Variants in EDA observed in about 807,000 individuals in gnomAD.
The protein encoded by EDA is ectodysplasin A, also known as ectodysplasin-A.
EDA carries 2 observed loss-of-function variants against 23.6 expected under a neutral mutation model. The observed-to-expected ratio is 0.08, with a 90% CI of 0.03 to 0.27. The LOEUF (loss-of-function observed/expected upper bound fraction) is 0.27. Among genes scored for constraint, EDA ranks in the 10% least tolerant of loss-of-function variants. The probability of loss-of-function intolerance (pLI) is 1.00; values close to 1 mark genes in which losing one functional copy is unlikely to be tolerated. For synonymous variants in EDA, 131 were observed against 132.0 expected, an observed-to-expected ratio of 0.99 and a Z score of 0.05; for missense variants, 229 against 324.2, an observed-to-expected ratio of 0.71 and a Z score of 2.26.
intron 1 of EDA, among the ~76,000 whole-genome samples, chrX:69,735,242 A>T (rs1220205476): frequency 9.2e-6 from 1 of 108,728 alleles, no homozygotes; most frequent in Admixed American, 9.8e-5. Context: ...AATATTTTGT[A>T]TGTGTATATA....
chrX:69,741,412 T>C (rs2013457072), intron 1 of EDA, among the ~76,000 whole-genome samples: 1 of 110,900 alleles, frequency 9.0e-6, no homozygotes, highest in African/African-American at 3.3e-5. Flanking sequence ...TTCAGTGAAG[T>C]CTACTTTCCC....
intron 1 of EDA, among the ~76,000 whole-genome samples, chrX:69,755,944 T>G (rs2014099099): frequency 8.9e-6 from 1 of 111,962 alleles, no homozygotes; most frequent in African/African-American, 3.2e-5. Context: ...AGTGTCCCAA[T>G]TTTCCAGGTA....
chrX:69,786,751 A>C (rs1308151851), intron 1 of EDA, among the ~76,000 whole-genome samples: 2 of 110,696 alleles, frequency 1.8e-5, no homozygotes, highest in African/African-American at 6.5e-5. Flanking sequence ...GTGGTGCTGA[A>C]AAGAATGTAT....
At chrX:69,774,607 G>A (rs1263056109) in intron 1 of EDA, among the ~76,000 whole-genome samples, 2 of 111,450 alleles carry the variant, frequency 1.8e-5, no homozygotes, top group African/African-American at 3.3e-5. Flanking sequence ...TGTTTTGGGC[G>A]TTTTAGGCTG....
At chrX:70,009,686 A>G (rs1316270673) in intron 2 of EDA, among the ~76,000 whole-genome samples, 1 of 111,447 alleles carries the variant, frequency 9.0e-6, no homozygotes, top group Non-Finnish European at 1.9e-5. Flanking sequence ...TCCCAGGTTC[A>G]AGTGATTCTC....
At chrX:69,617,358 G>T in intron 1 of EDA, 1 of 125,782 alleles carries the variant, frequency 8.0e-6, no homozygotes, top group Non-Finnish European at 1.6e-5. Context: ...AAAATCTATG[G>T]AAATAAAACT....
chrX:69,804,899 C>T, intron 1 of EDA, among the ~76,000 whole-genome samples: 1 of 111,755 alleles, frequency 8.9e-6, no homozygotes, highest in Non-Finnish European at 1.9e-5. Context: ...ATAACATTGT[C>T]ATAGAATCTT....
intron 1 of EDA, among the ~76,000 whole-genome samples, chrX:69,850,915 C>G (rs776542949): frequency 4.5e-5 from 5 of 111,773 alleles, no homozygotes; most frequent in Non-Finnish European, 9.4e-5. Context: ...CATAAAGGCT[C>G]TGAACAAGTA....
In EDA at chrX:70,035,522, G is replaced by A. The variant is rs763056127; in HGVS notation, c.1089G>A (p.Lys363=). The change falls in exon 8 of 8, where the codon AAG becomes AAA. Residue 363 remains lysine, a synonymous_variant. Transcript: ENST00000374552. ...LLKARQKIAV[K]MVHADISINM... is the part of the protein sequence containing the mutation. ...AGGCCCGGCAGAAGATCGCCGTCAA[G>A]ATGGTGCACGCTGACATCTCCATCA... 1 of 1,209,620 alleles carries A rather than the reference G, an allele frequency of 8.3e-7. No individual in the cohort carries two copies. The highest frequency in any genetic ancestry group is 2.2e-5 in the Admixed American group (1 of 45,636).
chrX:70,031,073 A>T (rs935020777), intron 6 of EDA, among the ~76,000 whole-genome samples: 1 of 112,043 alleles, frequency 8.9e-6, no homozygotes, highest in Non-Finnish European at 1.9e-5. Flanking sequence ...AGTCCCAGAG[A>T]GATTGGATAA....
intron 1 of EDA, among the ~76,000 whole-genome samples, chrX:69,878,198 C>T (rs1879940868): frequency 8.9e-6 from 1 of 112,350 alleles, no homozygotes; most frequent in South Asian, 3.7e-4. Flanking sequence ...ACAGTGATTT[C>T]CATTGTGCAA....
At chrX:69,886,091 A>T (rs1375817411) in intron 1 of EDA, among the ~76,000 whole-genome samples, 1 of 112,102 alleles carries the variant, frequency 8.9e-6, no homozygotes, top group Admixed American at 9.4e-5. Context: ...AGCCTCACCC[A>T]GCTTTGGTCT....
intron 1 of EDA, among the ~76,000 whole-genome samples, chrX:69,942,407 C>T (rs2018771978): frequency 9.0e-6 from 1 of 110,967 alleles, no homozygotes; most frequent in Non-Finnish European, 1.9e-5. Flanking sequence ...TTTTGTTTGT[C>T]TGGGAAAGTC....
intron 1 of EDA, among the ~76,000 whole-genome samples, chrX:69,913,043 C>T (rs2018291233): frequency 8.9e-6 from 1 of 111,875 alleles, no homozygotes; most frequent in Non-Finnish European, 1.9e-5. Flanking sequence ...GCTGGGATTA[C>T]AGGCATGAGC....
intron 1 of EDA, among the ~76,000 whole-genome samples, chrX:69,686,428 G>C (rs1934546522): frequency 8.9e-6 from 1 of 112,115 alleles, no homozygotes; most frequent in African/African-American, 3.2e-5. Flanking sequence ...TAAGATAACA[G>C]CTTTATTAAG....
intron 1 of EDA, among the ~76,000 whole-genome samples, chrX:69,671,320 G>A (rs781459074): frequency 7.2e-5 from 8 of 111,399 alleles, no homozygotes; most frequent in Non-Finnish European, 1.1e-4. Flanking sequence ...ACAGTGGGGT[G>A]TCTGAGCTGT....
At chrX:69,926,522 CTGTT>C (rs751004948) in intron 1 of EDA, among the ~76,000 whole-genome samples, 11 of 111,898 alleles carry the variant, frequency 9.8e-5, no homozygotes, top group African/African-American at 3.2e-4. Context: ...GTCTGAGAGA[CTGTT>C]TGTTACGATG....
chrX:69,662,517 T>TC (rs1393724434), intron 1 of EDA, among the ~76,000 whole-genome samples: 2 of 112,343 alleles, frequency 1.8e-5, no homozygotes, highest in African/African-American at 6.5e-5. Flanking sequence ...TAAACCTCTT[T>TC]CCTTTATAAA....
intron 1 of EDA, among the ~76,000 whole-genome samples, chrX:69,896,289 G>A (rs1022658962): frequency 9.0e-6 from 1 of 111,355 alleles, no homozygotes; most frequent in Admixed American, 9.6e-5. Flanking sequence ...TCCAAATATA[G>A]CCACATTGTG....
Sources: allele counts gnomAD v4.1 joint callset (sites outside exome capture counted in the v4.1 genomes callset), GRCh38; gene constraint gnomAD v4.1.1; transcripts MANE v1.5; gene names NCBI Gene and HGNC (gene_info 2026-07-23, HGNC 2026-07-21).